Variants in TBC1D9B observed in about 807,000 individuals in gnomAD.
TBC1D9B encodes the protein TBC1 domain family, member 9B (with GRAM domain).
In TBC1D9B, 87 loss-of-function variants were observed where a neutral mutation model predicts 121.1. The observed-to-expected ratio is 0.72, with a 90% confidence interval of 0.60 to 0.86. The LOEUF (loss-of-function observed/expected upper bound fraction) is 0.86, where lower values mean the gene tolerates loss of function less well. TBC1D9B is among the 40% of genes least tolerant of loss of function. TBC1D9B has a pLI of 0.00. For missense variants in TBC1D9B, 1,540 were observed against 1,628.6 expected (o/e 0.95, Z 0.94); for synonymous variants, 668 against 670.1 (o/e 1.00, Z 0.05).
rs568418390 is a variant in TBC1D9B, at chr5:179,879,996, T to A, written c.1255-207A>T. 82 of 621,978 alleles carry A rather than the reference T, an allele frequency of 1.3e-4. 1 individual carries two copies. In the South Asian group the frequency reaches 1.5e-3, roughly 12 times the overall value. The allele number at this position is 621,978 out of a possible 1,614,324, so 38.5% of individuals were successfully genotyped here. ...TCCTCTCTGGCTGCTGGACACCGAG[T>A]CCTCAGTAATTAACCCCACTCTCAC... is the stretch of plus-strand genomic sequence containing the variant. On this transcript the variant is annotated intron_variant, in intron 7 of 20. Transcript: ENST00000355235.
At position 179,870,416 on chromosome 5, in the gene TBC1D9B, T is replaced by C; in HGVS notation, c.2564A>G (p.Glu855Gly). 1 of 1,613,580 alleles carries C rather than the reference T, an allele frequency of 6.2e-7. No homozygotes were observed. The highest frequency in any genetic ancestry group is 8.5e-7 in the Non-Finnish European group (1 of 1,179,994). ...CTGGCTGGCATCAATCCGGTACTGC[T>C]CCAGGTAGGGCAGGCTGGGGTCCCG... is the stretch of plus-strand genomic sequence containing the variant. ...GRRDPSLPYLEQYRIDASQFR... is the reference protein window; with the variant it reads ...GRRDPSLPYLGQYRIDASQFR... Residue 855 changes from glutamate to glycine, a missense_variant, in exon 16 of 21, where the codon GAG (glutamate) becomes GGG (glycine). Coordinates refer to ENST00000355235, the MANE Select transcript of TBC1D9B (RefSeq NM_015043.4).
At chr5:179,886,591 G>A (rs1219298120) in intron 7 of TBC1D9B, among the ~76,000 whole-genome samples, 2 of 152,168 alleles carry the variant, frequency 1.3e-5, no homozygotes, top group East Asian at 3.9e-4. Flanking sequence ...CACTGACGTA[G>A]TAATTTATTT....
rs1015049646 is a variant in TBC1D9B at position 179,890,049 on chromosome 5, G to C, written c.1044+1330C>G. On this transcript the variant is annotated intron_variant, in intron 6 of 20. Coordinates refer to ENST00000355235, the MANE Select transcript of TBC1D9B (RefSeq NM_015043.4). The surrounding 1 kb of genome is among the most constrained non-coding windows in gnomAD (Gnocchi z 5.0). ...GAGAGGTCGGAATCTAGGCCGATAC[G>C]TGGCTTTTACCTGGGCAAAGGGTGG... Among the ~76,000 whole-genome samples, 1 of 152,084 alleles carries C rather than the reference G, an allele frequency of 6.6e-6. No individual in the cohort carries two copies. Among genetic ancestry groups the C allele is most frequent in the African/African-American group, 2.4e-5 (1 of 41,398 alleles).
chr5:179,863,613 C>G lies in TBC1D9B; in HGVS notation c.3537G>C (p.Trp1179Cys), dbSNP rs755595092. Residue 1179 changes from tryptophan (W) to cysteine (C), a missense_variant, in exon 21 of 21, where the codon TGG (tryptophan) becomes TGC (cysteine). Physicochemically the swap from Trp to Cys is radical, Grantham distance 215. Transcript: ENST00000355235. The surrounding 1 kb of genome is among the most constrained non-coding windows in gnomAD (Gnocchi z 4.5). ...CCAGGATCTGCTCAAAGGAGATGCACCAGTCGGTGTCGACGGTGCCGCCGA... is the reference window on the plus strand; with the variant it reads ...CCAGGATCTGCTCAAAGGAGATGCAGCAGTCGGTGTCGACGGTGCCGCCGA... ...ARIGGTVDTD[W>C]CISFEQILAS... 2 of 1,614,002 alleles carry G rather than the reference C, an allele frequency of 1.2e-6. No homozygotes were observed. The highest frequency in any genetic ancestry group is 1.7e-5 in the Admixed American group (1 of 60,030).
In TBC1D9B at chr5:179,886,678, C is replaced by T. The variant is rs148099720; in HGVS notation, c.1254+1425G>A. On this transcript the variant is annotated intron_variant, in intron 7 of 20. Transcript: ENST00000355235. ...ACACGGCTCTAGAGCATGGAGGACA[C>T]GCACAGCCCCAGCTCCCACGCCCGC... Among the ~76,000 whole-genome samples, 293 of 152,368 alleles carry T rather than the reference C, an allele frequency of 1.9e-3. 2 individuals carry two copies. The highest frequency in any genetic ancestry group is 6.4e-3 in the African/African-American group (266 of 41,588).
intron 7 of TBC1D9B, among the ~76,000 whole-genome samples, chr5:179,880,632 A>C (rs1241056410): frequency 1.3e-5 from 2 of 152,196 alleles, no homozygotes; most frequent in Non-Finnish European, 2.9e-5. Flanking sequence ...TGATGGCTTC[A>C]TGGGCGTATA....
Position 179,867,260 on chromosome 5 carries a change from G to A in TBC1D9B, c.2863+518C>T, listed in dbSNP as rs1561632398. On this transcript the variant is annotated intron_variant, in intron 18 of 20. Transcript: ENST00000355235. ...GCCTAGTGTGGGGGCCTTATTTACC[G>A]CCCACCTACAGCAGACACGGAGGCG... is the stretch of plus-strand genomic sequence containing the variant. The A allele has an allele frequency of 1.1e-5, 7 of 631,468 alleles. No homozygotes were observed. In the South Asian group the frequency reaches 1.5e-4, roughly 14 times the overall value. 39.1% of individuals were successfully genotyped at this position (631,468 alleles called of 1,614,324 possible). A position where few individuals can be genotyped will look rare whatever the true frequency, so the allele number is the denominator to read the frequency against.
intron 3 of TBC1D9B, among the ~76,000 whole-genome samples, chr5:179,898,397 C>G (rs1464894237): frequency 6.6e-6 from 1 of 151,990 alleles, no homozygotes; most frequent in Non-Finnish European, 1.5e-5. Context: ...TCGTGATCTG[C>G]CTGTCTTGGC....
chr5:179,894,799 G>A (rs1376249850), intron 3 of TBC1D9B, among the ~76,000 whole-genome samples, 185 bp from the exon 4 acceptor site: 1 of 152,202 alleles, frequency 6.6e-6, no homozygotes, highest in Non-Finnish European at 1.5e-5. Flanking sequence ...GACGCTGCCT[G>A]TGTGACTCTC....
chr5:179,881,830 C>A (rs946720487), intron 7 of TBC1D9B, among the ~76,000 whole-genome samples: 10 of 152,134 alleles, frequency 6.6e-5, no homozygotes, highest in East Asian at 1.9e-4. Context: ...AGCTAGCAGG[C>A]CTTTTCTTCC....
chr5:179,894,200 T>C (rs1760953202), intron 4 of TBC1D9B, among the ~76,000 whole-genome samples, 186 bp downstream of exon 4: 1 of 152,092 alleles, frequency 6.6e-6, no homozygotes, highest in Non-Finnish European at 1.5e-5. Flanking sequence ...GGGGGCATGG[T>C]AAAAGTCGGC....
intron 10 of TBC1D9B, among the ~76,000 whole-genome samples, chr5:179,876,563 T>C (rs1330211790): frequency 6.6e-6 from 1 of 152,210 alleles, no homozygotes; most frequent in Non-Finnish European, 1.5e-5. Context: ...GAAAGCCATA[T>C]GACTTGGCCA....
chr5:179,881,829 GC>G (rs1242938075), intron 7 of TBC1D9B, among the ~76,000 whole-genome samples: 1 of 151,952 alleles, frequency 6.6e-6, no homozygotes, highest in Non-Finnish European at 1.5e-5. Context: ...TAGCTAGCAG[GC>G]CTTTTCTTCC....
Position 179,874,441 on chromosome 5 carries a change from T to C in TBC1D9B, c.2186+461A>G, listed in dbSNP as rs1177416263. On this transcript the variant is annotated intron_variant, in intron 12 of 20. Coordinates refer to ENST00000355235, the MANE Select transcript of TBC1D9B (RefSeq NM_015043.4). This position sits in a 1 kb window ranked among gnomAD's most constrained non-coding sequence, Gnocchi z 4.3. ...GATGACCCTGGACATTTGGCGTGAC[T>C]AGTGGGACATCAGCTCATCCAGCTG... Among the ~76,000 whole-genome samples the C allele has an allele frequency of 6.6e-6, 1 of 152,060 alleles. No individual in the cohort carries two copies. The highest frequency in any genetic ancestry group is 1.5e-5 in the Non-Finnish European group (1 of 67,986).
At chr5:179,876,163 AT>A in intron 10 of TBC1D9B, 126 bp from the exon 11 acceptor site, 2 of 677,696 alleles carry the variant, frequency 3.0e-6, no homozygotes, top group African/African-American at 1.9e-5. Flanking sequence ...TGTTGTTGTT[AT>A]TTTTATTATT....
At position 179,880,027 on chromosome 5, in the gene TBC1D9B, A is replaced by G. The variant is rs1760492717; in HGVS notation, c.1255-238T>C. The stretch of plus-strand genomic sequence containing the variant: ...GTAATTAACCCCACTCTCACCAGCG[A>G]GTCAGTCTCAGGGAGCGGGTTCTGG... On this transcript the variant is annotated intron_variant, in intron 7 of 20. Transcript: ENST00000355235. 5.2e-6 allele frequency: 3 copies of G among 581,700 alleles called. No individual in the cohort carries two copies. The African/African-American group carries it at 5.6e-5, about 11-fold the overall frequency. 36.0% of individuals were successfully genotyped at this position (581,700 alleles called of 1,614,324 possible). A position where few individuals can be genotyped will look rare whatever the true frequency, so the allele number is the denominator to read the frequency against.
intron 3 of TBC1D9B, among the ~76,000 whole-genome samples, chr5:179,895,354 T>G (rs1760989859): frequency 6.6e-6 from 1 of 152,190 alleles, no homozygotes. Context: ...AAATGTATGT[T>G]TTCCTCTTTC....
At chr5:179,873,657 G>GA (rs1159307247) in intron 12 of TBC1D9B, among the ~76,000 whole-genome samples, 4 of 152,196 alleles carry the variant, frequency 2.6e-5, no homozygotes, top group Non-Finnish European at 2.9e-5. Context: ...AGTCGCAGGA[G>GA]AAAGTCAGGT....
intron 7 of TBC1D9B, among the ~76,000 whole-genome samples, chr5:179,886,119 G>A (rs531744562): frequency 2.0e-5 from 3 of 152,206 alleles, no homozygotes; most frequent in African/African-American, 7.2e-5. Flanking sequence ...ATGAGCAACA[G>A]AGAGAAAATG....
Sources: gnomAD v4.1 joint callset for allele counts (sites outside exome capture counted in the v4.1 genomes callset) on GRCh38, gnomAD v4.1.1 for gene constraint, Gnocchi (gnomAD v3.1) non-coding constraint, MANE v1.5 for transcripts, NCBI Gene and HGNC (gene_info 2026-07-23, HGNC 2026-07-21) for gene names.